Variants in PACRG observed in about 807,000 individuals in gnomAD.
PACRG encodes the protein parkin coregulated gene protein.
Under a neutral mutation model 29.7 loss-of-function variants are expected in PACRG, and 29 were observed. The ratio of observed to expected loss-of-function variants is 0.98; its 90% confidence interval spans 0.73 to 1.33. The LOEUF (loss-of-function observed/expected upper bound fraction) is 1.33. PACRG is among the 40% of genes most tolerant of loss of function. PACRG has a pLI of 0.00. For missense variants in PACRG, 279 were observed against 316.2 expected, an observed-to-expected ratio of 0.88 and a Z score of 0.89; for synonymous variants, 116 against 118.7, an observed-to-expected ratio of 0.98 and a Z score of 0.15.
intron 3 of PACRG, among the ~76,000 whole-genome samples, chr6:163,079,450 C>T (rs1478035163): frequency 1.3e-5 from 2 of 151,384 alleles, no homozygotes; most frequent in Non-Finnish European, 2.9e-5. Flanking sequence ...ACTTTTTCAA[C>T]CATTCCTGTA....
chr6:163,148,600 C>T (rs561441520), intron 4 of PACRG, among the ~76,000 whole-genome samples: 12 of 152,232 alleles, frequency 7.9e-5, no homozygotes, highest in African/African-American at 2.9e-4. Flanking sequence ...GTGGCATACC[C>T]AGTATTCCAC....
At chr6:163,043,984 G>A (rs1302366420) in intron 2 of PACRG, among the ~76,000 whole-genome samples, 4 of 152,060 alleles carry the variant, frequency 2.6e-5, no homozygotes, top group South Asian at 2.1e-4. Flanking sequence ...TAGCATGAGC[G>A]GGTAAAGCAA....
chr6:163,006,408 T>C (rs910335505), intron 2 of PACRG, among the ~76,000 whole-genome samples: 2 of 151,480 alleles, frequency 1.3e-5, no homozygotes, highest in Non-Finnish European at 3.0e-5. Flanking sequence ...GGTTATAGTG[T>C]TCTATAAATG....
intron 4 of PACRG, among the ~76,000 whole-genome samples, chr6:163,172,459 G>T (rs1323642699): frequency 4.6e-5 from 7 of 152,180 alleles, no homozygotes; most frequent in South Asian, 4.1e-4. Flanking sequence ...TCAGGCCGTG[G>T]AATAATTTGT....
intron 2 of PACRG, among the ~76,000 whole-genome samples, chr6:162,843,669 G>A (rs1165559733): frequency 4.4e-5 from 6 of 135,414 alleles, no homozygotes; most frequent in South Asian, 2.7e-4. Context: ...AGGAGGAGAG[G>A]TGCTCTGCGT....
intron 2 of PACRG, among the ~76,000 whole-genome samples, chr6:163,020,551 G>A (rs1316010233): frequency 1.3e-5 from 2 of 152,138 alleles, no homozygotes; most frequent in African/African-American, 2.4e-5. Flanking sequence ...CGGTTTGAGC[G>A]GTGAGTATTC....
In PACRG at chr6:162,882,057, G is replaced by A. The variant is rs149818552; in HGVS notation, c.291+67776G>A. Among the ~76,000 whole-genome samples, 1,116 of 130,698 alleles carry A rather than the reference G, an allele frequency of 8.5e-3. 26 individuals carry two copies. Among genetic ancestry groups the A allele is most frequent in the African/African-American group, 0.032 (1,062 of 33,486 alleles). 85.7% of individuals were successfully genotyped at this position (130,698 alleles called of 152,430 possible). On this transcript the variant is annotated intron_variant, in intron 2 of 4. Transcript: ENST00000366888. ...TGATCTCTACCAAGACCAGAGACCC[G>A]GGGGCGCTCTCCACCAAGACCAGAG...
intron 4 of PACRG, among the ~76,000 whole-genome samples, chr6:163,110,821 G>A (rs1815673629): frequency 6.6e-6 from 1 of 152,170 alleles, no homozygotes; most frequent in South Asian, 2.1e-4. Context: ...AAAGGGCCAT[G>A]GTATGGCTGA....
In PACRG at chr6:162,753,555, G is replaced by A. The variant is rs184987304; in HGVS notation, c.156+25164G>A. Among the ~76,000 whole-genome samples, 1,040 of 152,182 alleles carry A rather than the reference G, an allele frequency of 6.8e-3. 8 individuals are homozygous for A. The highest frequency in any genetic ancestry group is 0.014 in the Middle Eastern group (4 of 294). On this transcript the variant is annotated intron_variant, in intron 1 of 4. Coordinates refer to ENST00000366888, the MANE Select transcript of PACRG (RefSeq NM_001080379.2). ...TTGACTATTGTGAATGATATGGTTTGGCTCTGTGTCCCCACCCAAATTCAT... is the reference window on the plus strand; with the variant it reads ...TTGACTATTGTGAATGATATGGTTTAGCTCTGTGTCCCCACCCAAATTCAT...
At chr6:162,947,635 T>TAATC (rs1799332078) in intron 2 of PACRG, among the ~76,000 whole-genome samples, 1 of 77,832 alleles carries the variant, frequency 1.3e-5, no homozygotes, top group South Asian at 4.9e-4. Context: ...TATATATATA[T>TAATC]ATATATATAT....
intron 1 of PACRG, among the ~76,000 whole-genome samples, chr6:162,734,709 G>T (rs9365484): frequency 0.18 from 27,407 of 152,020 alleles, 3,183 homozygotes; most frequent in East Asian, 0.47. Context: ...TGGTTGTTTA[G>T]AGATACTTAT....
At chr6:162,998,708 T>C (rs1302619416) in intron 2 of PACRG, among the ~76,000 whole-genome samples, 1 of 152,236 alleles carries the variant, frequency 6.6e-6, no homozygotes, top group Non-Finnish European at 1.5e-5. Flanking sequence ...ATTTCTGCTC[T>C]AGAAGCATGC....
intron 1 of PACRG, among the ~76,000 whole-genome samples, chr6:162,808,187 A>G (rs1057410900): frequency 1.2e-4 from 19 of 152,242 alleles, no homozygotes; most frequent in African/African-American, 4.6e-4. Context: ...TCAGGAGCCT[A>G]CGCTGAAGGT....
intron 4 of PACRG, among the ~76,000 whole-genome samples, chr6:163,100,201 C>T (rs1489432027): frequency 1.3e-5 from 2 of 152,068 alleles, no homozygotes; most frequent in Non-Finnish European, 2.9e-5. Context: ...CCTCCACGGC[C>T]CTGCAGCTGC....
rs9365543 is a variant in PACRG at position 163,180,022 on chromosome 6, C to T, written c.613+90614C>T. 1.9e-4 allele frequency among the ~76,000 whole-genome samples: 29 copies of T among 152,346 alleles called. No homozygotes were observed. The East Asian group carries it at 5.2e-3, about 27-fold the overall frequency. Reference sequence around the variant, plus strand: ...ACCTGTGTAGTTTATCCAGTGGTTACACTGACTTGAAGTGGTCTTTCTGAA... The same window carrying T: ...ACCTGTGTAGTTTATCCAGTGGTTATACTGACTTGAAGTGGTCTTTCTGAA... On this transcript the variant is annotated intron_variant, in intron 4 of 4. Coordinates refer to ENST00000366888, the MANE Select transcript of PACRG (RefSeq NM_001080379.2).
chr6:163,222,685 G>A (rs1781637768), intron 4 of PACRG, among the ~76,000 whole-genome samples: 1 of 152,108 alleles, frequency 6.6e-6, no homozygotes, highest in Non-Finnish European at 1.5e-5. Flanking sequence ...TAAAAGAGCT[G>A]AAGCATTTGC....
chr6:163,160,469 G>A (rs1778511037), intron 4 of PACRG, among the ~76,000 whole-genome samples: 1 of 152,130 alleles, frequency 6.6e-6, no homozygotes, highest in African/African-American at 2.4e-5. Context: ...AAGTCACCAA[G>A]ACTTAAGATA....
intron 4 of PACRG, among the ~76,000 whole-genome samples, chr6:163,153,852 T>C (rs890657502): frequency 6.6e-6 from 1 of 152,248 alleles, no homozygotes; most frequent in East Asian, 1.9e-4. Context: ...GTAAAATGCA[T>C]GAGTCCGTCT....
intron 2 of PACRG, among the ~76,000 whole-genome samples, chr6:162,864,701 G>A (rs1792147013): frequency 6.6e-6 from 1 of 152,172 alleles, no homozygotes; most frequent in Non-Finnish European, 1.5e-5. Flanking sequence ...GTCTCTACAA[G>A]TGTTGACATT....
Sources: allele counts gnomAD v4.1 joint callset (sites outside exome capture counted in the v4.1 genomes callset), GRCh38; gene constraint gnomAD v4.1.1; transcripts MANE v1.5; gene names NCBI Gene and HGNC (gene_info 2026-07-23, HGNC 2026-07-21).